Variants in RNF168 observed in about 807,000 individuals in gnomAD.
RNF168 encodes ring finger protein 168, also known as E3 ubiquitin-protein ligase RNF168.
In RNF168, 34 loss-of-function variants were observed where a neutral mutation model predicts 34.9. The observed-to-expected ratio is 0.97, with a 90% CI of 0.74 to 1.30. The LOEUF (loss-of-function observed/expected upper bound fraction) is 1.30, where lower values mean the gene tolerates loss of function less well. Among genes scored for constraint, RNF168 ranks in the 50% most tolerant of loss-of-function variants. The pLI is 0.00. For synonymous variants in RNF168, 264 were observed against 254.7 expected (o/e 1.04, Z -0.35); for missense variants, 725 against 682.5 (o/e 1.06, Z -0.69).
At chr3:196,476,987 A>G (rs1222147165) in intron 4 of RNF168, among the ~76,000 whole-genome samples, 1 of 152,120 alleles carries the variant, frequency 6.6e-6, no homozygotes, top group Non-Finnish European at 1.5e-5. Flanking sequence ...ACCTCAGGTG[A>G]TCCGCCTGCC....
At chr3:196,500,115 C>T (rs1173076158) in intron 1 of RNF168, among the ~76,000 whole-genome samples, 1 of 152,166 alleles carries the variant, frequency 6.6e-6, no homozygotes, top group East Asian at 1.9e-4. Context: ...ACCAATCACA[C>T]ATAGAATTAC....
At chr3:196,491,536 C>T (rs1732596470) in intron 1 of RNF168, among the ~76,000 whole-genome samples, 2 of 151,792 alleles carry the variant, frequency 1.3e-5, no homozygotes, top group Admixed American at 6.6e-5. Context: ...ATTCCAACTA[C>T]TCGAGAGGCT....
At chr3:196,502,266 G>A (rs764690663) in intron 1 of RNF168, among the ~76,000 whole-genome samples, 1 of 151,992 alleles carries the variant, frequency 6.6e-6, no homozygotes, top group Non-Finnish European at 1.5e-5. Context: ...GGAGAATCAA[G>A]AATTAAATGA....
chr3:196,502,729 T>C (rs1294221561), intron 1 of RNF168, 144 bp downstream of exon 1: 15 of 759,444 alleles, frequency 2.0e-5, no homozygotes, highest in Non-Finnish European at 3.2e-5. Context: ...TGGGGACCCA[T>C]AAACCCCCTA....
rs1253242769 is a variant in RNF168, at chr3:196,503,524, C to T, written c.-351G>A. On this transcript the variant is annotated 5_prime_UTR_variant, in exon 1 of 6. Coordinates refer to ENST00000318037, the MANE Select transcript of RNF168 (RefSeq NM_152617.4). Reference sequence around the variant, plus strand: ...GGGGAACGCGCCAAGTCCTCTCCTCCCCTCACCCGGAAAGGATGCTCCGCT... The same window carrying T: ...GGGGAACGCGCCAAGTCCTCTCCTCTCCTCACCCGGAAAGGATGCTCCGCT... 6.5e-5 allele frequency: 23 copies of T among 354,982 alleles called. No individual in the cohort carries two copies. Among genetic ancestry groups the T allele is most frequent in the Middle Eastern group, 1.9e-3 (2 of 1,038 alleles). The allele number at this position is 354,982 out of a possible 1,614,324, so 22.0% of individuals were successfully genotyped here.
rs1470320055 is a variant in RNF168, at chr3:196,472,134, T to C, written c.1401A>G (p.Gln467=). 3 of 1,614,182 alleles carry C rather than the reference T, an allele frequency of 1.9e-6. No individual in the cohort carries two copies. In the Admixed American group the frequency reaches 5.0e-5, roughly 27 times the overall value. The change falls in exon 6 of 6, where the codon CAA becomes CAG. Residue 467 remains glutamine, a synonymous_variant. Coordinates refer to ENST00000318037, the MANE Select transcript of RNF168 (RefSeq NM_152617.4). ...VDKEQMVPNR[Q]KGSPDEYHLR... ...AGTGATACTCATCTGGGGATCCTTT[T>C]TGCCGGTTTGGCACCATTTGCTCTT...
intron 3 of RNF168, among the ~76,000 whole-genome samples, chr3:196,486,313 T>C (rs1416581090): frequency 1.3e-5 from 2 of 152,228 alleles, no homozygotes; most frequent in Admixed American, 1.3e-4. Flanking sequence ...AACAGTGTGA[T>C]TGCTTTATAT....
intron 1 of RNF168, among the ~76,000 whole-genome samples, chr3:196,491,870 A>ACAGCCAGTCAC (rs1305144658): frequency 6.6e-6 from 1 of 152,192 alleles, no homozygotes; most frequent in African/African-American, 2.4e-5. Context: ...GCTGCGTGAA[A>ACAGCCAGTCAC]CAGCCAGTCA....
chr3:196,503,415 C>T lies in RNF168; in HGVS notation c.-242G>A. 1 of 548,352 alleles carries T rather than the reference C, an allele frequency of 1.8e-6. No homozygotes were observed. The highest frequency in any genetic ancestry group is 3.3e-6 in the Non-Finnish European group (1 of 304,578). 34.0% of individuals were successfully genotyped at this position (548,352 alleles called of 1,614,324 possible). On this transcript the variant is annotated 5_prime_UTR_variant, in exon 1 of 6. Coordinates refer to ENST00000318037, the MANE Select transcript of RNF168 (RefSeq NM_152617.4). ...GTCCATTTTCAAGGCAAACGTCCCG[C>T]CAGCAAATAAATGCAGGTTTTCGTC... is the stretch of plus-strand genomic sequence containing the variant.
intron 1 of RNF168, among the ~76,000 whole-genome samples, chr3:196,493,081 A>G (rs1002565854): frequency 2.0e-5 from 3 of 152,230 alleles, no homozygotes; most frequent in African/African-American, 7.2e-5. Flanking sequence ...AGTTAAAAAC[A>G]AACTAGAAGT....
chr3:196,495,124 C>T (rs1250233255), intron 1 of RNF168, among the ~76,000 whole-genome samples: 2 of 152,290 alleles, frequency 1.3e-5, no homozygotes, highest in East Asian at 3.9e-4. Context: ...GATAAACCCC[C>T]GTTTAACCTG....
rs1320235259 is a variant in RNF168, at chr3:196,472,641, C to T, written c.894G>A (p.Met298Ile). ...CGGCACCACAGGCACATAACCATGG[C>T]ATAGGGGACTCTATTGAAGAATCTG... The part of the protein sequence containing the change: ...QGADSSIESP[M>I]PWLCACGAEW... Residue 298 changes from methionine (M) to isoleucine (I), a missense_variant, in exon 6 of 6, where the codon ATG (methionine) becomes ATA (isoleucine). Coordinates refer to ENST00000318037, the MANE Select transcript of RNF168 (RefSeq NM_152617.4). 1 of 1,612,146 alleles carries T rather than the reference C, an allele frequency of 6.2e-7. No homozygotes were observed. Among genetic ancestry groups the T allele is most frequent in the Non-Finnish European group, 8.5e-7 (1 of 1,178,366 alleles).
At chr3:196,476,418 C>CT (rs869289943) in intron 4 of RNF168, among the ~76,000 whole-genome samples, 5,690 of 131,264 alleles carry the variant, frequency 0.043, 324 homozygotes, top group African/African-American at 0.14. Context: ...CAACTCTCTT[C>CT]TTTTTTTTTT....
In RNF168 at chr3:196,503,465, A is replaced by T. The variant is rs1007854228; in HGVS notation, c.-292T>A. The T allele has an allele frequency of 1.2e-4, 52 of 428,294 alleles. No individual in the cohort carries two copies. The highest frequency in any genetic ancestry group is 9.9e-4 in the African/African-American group (49 of 49,610). The allele number at this position is 428,294 out of a possible 1,614,324, so 26.5% of individuals were successfully genotyped here. ...CGGAGGAGCCTGGCTGCTCCGCGGC[A>T]TGAACACCGCGGCTGCGGCTCCCGG... On this transcript the variant is annotated 5_prime_UTR_variant, in exon 1 of 6. An upstream start codon of the reference 5' UTR is lost. Coordinates refer to ENST00000318037, the MANE Select transcript of RNF168 (RefSeq NM_152617.4).
At chr3:196,494,510 G>C (rs1003402147) in intron 1 of RNF168, among the ~76,000 whole-genome samples, 4 of 152,200 alleles carry the variant, frequency 2.6e-5, no homozygotes, top group Non-Finnish European at 4.4e-5. Context: ...CAGTTGAGCT[G>C]TTCATAAAAC....
At position 196,472,515 on chromosome 3, in the gene RNF168, C is replaced by T. The variant is rs779329211; in HGVS notation, c.1020G>A (p.Ser340=). 21 of 1,614,126 alleles carry T rather than the reference C, an allele frequency of 1.3e-5. No homozygotes were observed. The highest frequency in any genetic ancestry group is 1.6e-4 in the Middle Eastern group (1 of 6,084). The change falls in exon 6 of 6, where the codon TCG becomes TCA. Residue 340 remains serine, a synonymous_variant. Transcript: ENST00000318037. ...CACAAGGCATAACTGCAGTTTCTTT[C>T]GAGTAGGGAACTCTGGTTTTAGGTC... The part of the protein sequence containing the change: ...HERPKTRVPY[S]KETAVMPCGR...
intron 4 of RNF168, among the ~76,000 whole-genome samples, chr3:196,478,442 A>G (rs1235494968): frequency 6.6e-6 from 1 of 152,132 alleles, no homozygotes; most frequent in African/African-American, 2.4e-5. Context: ...TCTGCTTTCC[A>G]TACATCACGT....
rs950219606 is a variant in RNF168 at position 196,483,642 on chromosome 3, T to C, written c.680+128A>G. ...GTAGCTCTCTCCTTTTCAATTTACC[T>C]CAACCTCAGACTATTTTCATACAAA... On this transcript the variant is annotated intron_variant, in intron 4 of 5. Coordinates refer to ENST00000318037, the MANE Select transcript of RNF168 (RefSeq NM_152617.4). 107 of 806,644 alleles carry C rather than the reference T, an allele frequency of 1.3e-4. 2 individuals carry two copies. The Admixed American group carries it at 2.0e-3, about 15-fold the overall frequency. 50.0% of individuals were successfully genotyped at this position (806,644 alleles called of 1,614,324 possible).
At chr3:196,484,342 T>C (rs1732370850) in intron 3 of RNF168, among the ~76,000 whole-genome samples, 1 of 151,628 alleles carries the variant, frequency 6.6e-6, no homozygotes, top group Non-Finnish European at 1.5e-5. Context: ...CGGCTAATTT[T>C]TTGTATTTTT....
Sources: allele counts gnomAD v4.1 joint callset (sites outside exome capture counted in the v4.1 genomes callset), GRCh38; gene constraint gnomAD v4.1.1; transcripts MANE v1.5; gene names NCBI Gene and HGNC (gene_info 2026-07-23, HGNC 2026-07-21).